Variants in TLE5 observed in about 807,000 individuals in gnomAD.
TLE5 encodes TLE family member 5, transcriptional modulator, also known as TLE family member 5.
Under a neutral mutation model 25.8 loss-of-function variants are expected in TLE5, and 7 were observed. The ratio of observed to expected loss-of-function variants is 0.27; its 90% CI spans 0.15 to 0.51. TLE5 has a LOEUF of 0.51. Among genes scored for constraint, TLE5 ranks in the 20% least tolerant of loss-of-function variants. The probability of loss-of-function intolerance (pLI) is 0.97; values close to 1 mark genes in which losing one functional copy is unlikely to be tolerated. For synonymous variants in TLE5, 132 were observed against 110.5 expected (o/e 1.20, Z -1.22); for missense variants, 149 against 250.7 (o/e 0.59, Z 2.74).
Position 3,061,180 on chromosome 19 carries a change from T to C in TLE5, c.105A>G (p.Leu35=). 1.2e-6 allele frequency: 2 copies of C among 1,613,542 alleles called. No individual in the cohort carries two copies. Among genetic ancestry groups the C allele is most frequent in the Non-Finnish European group, 1.7e-6 (2 of 1,179,570 alleles). The change falls in exon 2 of 7, where the codon CTA becomes CTG. Residue 35 remains leucine (L), a synonymous_variant. Coordinates refer to ENST00000327141, the MANE Select transcript of TLE5 (RefSeq NM_001130.6). The stretch of plus-strand genomic sequence containing the variant: ...CTCACCTGTGGTACTGAGCTTGCAG[T>C]AGCTGAAATTCGTCTTTGATGCGGT... ...SCDRIKDEFQ[L]LQAQYHSLKL...
At position 3,061,183 on chromosome 19, in the gene TLE5, C is replaced by G. The variant is rs147797904; in HGVS notation, c.102G>C (p.Gln34His). The G allele has an allele frequency of 3.7e-6, 6 of 1,613,682 alleles. No individual in the cohort carries two copies. Among genetic ancestry groups the G allele is most frequent in the Non-Finnish European group, 5.1e-6 (6 of 1,179,686 alleles). Residue 34 changes from glutamine (Q) to histidine (H), a missense_variant, in exon 2 of 7, where the codon CAG becomes CAC. By Grantham distance (24) the Gln-to-His change is conservative. Transcript: ENST00000327141. ...ACCTGTGGTACTGAGCTTGCAGTAGCTGAAATTCGTCTTTGATGCGGTCGC... is the reference window on the plus strand; with the variant it reads ...ACCTGTGGTACTGAGCTTGCAGTAGGTGAAATTCGTCTTTGATGCGGTCGC... ...DSCDRIKDEF[Q>H]LLQAQYHSLK...
In TLE5 at chr19:3,053,328, T is replaced by G. The variant is rs415945; in HGVS notation, c.*491A>C. On this transcript the variant is annotated 3_prime_UTR_variant, in exon 7 of 7. Coordinates refer to ENST00000327141, the MANE Select transcript of TLE5 (RefSeq NM_001130.6). Reference sequence around the variant, plus strand: ...GTCTGGAACTAGCAGAGGTGGTGAGTGGGGCAGGTGGAGGTGGGAGCATAC... The same window carrying G: ...GTCTGGAACTAGCAGAGGTGGTGAGGGGGGCAGGTGGAGGTGGGAGCATAC... The G allele has an allele frequency of 0.061, 9,746 of 159,046 alleles. 355 individuals carry two copies. Among genetic ancestry groups the G allele is most frequent in the Non-Finnish European group, 0.067 (4,837 of 72,532 alleles). 9.9% of individuals were successfully genotyped at this position (159,046 alleles called of 1,614,324 possible).
chr19:3,055,505 C>T, intron 5 of TLE5, 159 bp downstream of exon 5: 1 of 521,112 alleles, frequency 1.9e-6, no homozygotes, highest in African/African-American at 2.0e-5. Context: ...GGGGATTCTT[C>T]TGCACAGGCC....
chr19:3,056,138 G>A, intron 4 of TLE5, 174 bp downstream of exon 4: 1 of 531,884 alleles, frequency 1.9e-6, no homozygotes. Flanking sequence ...CGGGGCGGGG[G>A]GGAGGAGAGC....
chr19:3,061,269 G>C lies in TLE5; in HGVS notation c.28-12C>G, dbSNP rs1568266574. The C allele has an allele frequency of 1.2e-6, 2 of 1,605,566 alleles. No homozygotes were observed. Among genetic ancestry groups the C allele is most frequent in the Admixed American group, 1.7e-5 (1 of 59,940 alleles). Reference sequence around the variant, plus strand: ...AGGTGCGAGGAGCCCTGTAGGGATGGGGCGGCCCGGGTCAGGCCCAGGCGT... The same window carrying C: ...AGGTGCGAGGAGCCCTGTAGGGATGCGGCGGCCCGGGTCAGGCCCAGGCGT... On this transcript the variant is annotated splice_polypyrimidine_tract_variant and intron_variant, in intron 1 of 6. Transcript: ENST00000327141.
upstream of TLE5, chr19:3,062,758 C>G: frequency 3.9e-6 from 6 of 1,547,260 alleles, no homozygotes; most frequent in African/African-American, 1.4e-5. Flanking sequence ...CCCGGCTGCC[C>G]GCGTCGAAGC....
Position 3,053,701 on chromosome 19 carries a change from T to C in TLE5, c.*118A>G. 1.6e-6 allele frequency: 2 copies of C among 1,217,702 alleles called. No homozygotes were observed. Among genetic ancestry groups the C allele is most frequent in the South Asian group, 1.5e-5 (1 of 67,478 alleles). 75.4% of individuals were successfully genotyped at this position (1,217,702 alleles called of 1,614,324 possible). A position where few individuals can be genotyped will look rare whatever the true frequency, so the allele number is the denominator to read the frequency against. On this transcript the variant is annotated 3_prime_UTR_variant, in exon 7 of 7. Transcript: ENST00000327141. ...GGCCCCCGCCGGCGGCCACCATAAATACTATGGGAGTTTAGCCAATCCCGA... is the reference window on the plus strand; with the variant it reads ...GGCCCCCGCCGGCGGCCACCATAAACACTATGGGAGTTTAGCCAATCCCGA...
chr19:3,053,784 GTCCCCCCTCCC>G lies in TLE5; in HGVS notation c.*24_*34del, dbSNP rs1224205965. 1 of 1,594,868 alleles carries G rather than the reference GTCCCCCCTCCC, an allele frequency of 6.3e-7. No homozygotes were observed. The highest frequency in any genetic ancestry group is 8.6e-7 in the Non-Finnish European group (1 of 1,166,414). On this transcript the variant is annotated 3_prime_UTR_variant, in exon 7 of 7. Coordinates refer to ENST00000327141, the MANE Select transcript of TLE5 (RefSeq NM_001130.6). ...CTCTCCGTGCCTCTGTCTCCCCTCTGTCCCCCCTCCCAACCTCCCTGTCCCGGCCCCCTGCT... is the reference window on the plus strand; with the variant it reads ...CTCTCCGTGCCTCTGTCTCCCCTCTGAACCTCCCTGTCCCGGCCCCCTGCT...
At chr19:3,055,361 G>GAAA (rs1037125511) in intron 5 of TLE5, 11 of 249,850 alleles carry the variant, frequency 4.4e-5, no homozygotes, top group Admixed American at 4.4e-4. Context: ...AGAGAGATGA[G>GAAA]AAAAAAACAT....
intron 3 of TLE5, 32 bp from the exon 4 acceptor site, chr19:3,056,388 A>G: frequency 3.9e-6 from 1 of 256,190 alleles, no homozygotes; most frequent in South Asian, 2.7e-5. Flanking sequence ...GGAGCGGGAG[A>G]TGGGGGTGGG....
intron 2 of TLE5, among the ~76,000 whole-genome samples, chr19:3,059,774 T>C (rs1376770763): frequency 2.0e-5 from 3 of 152,094 alleles, no homozygotes; most frequent in African/African-American, 7.2e-5. Flanking sequence ...ATCCCTTCCC[T>C]GTGGAATCAG....
chr19:3,054,086 T>TCGGGGGGGGGCCGCCCC, intron 6 of TLE5, 34 bp downstream of exon 6: 1 of 1,512,818 alleles, frequency 6.6e-7, no homozygotes, highest in Non-Finnish European at 8.9e-7. Flanking sequence ...GGCCCACCTG[T>TCGGGGGGGGGCCGCCCC]CCCCCGCCCA....
chr19:3,055,888 A>G, intron 4 of TLE5, 162 bp from the exon 5 acceptor site: 2 of 668,036 alleles, frequency 3.0e-6, no homozygotes, highest in Admixed American at 3.2e-5. Context: ...TTCGGGCCCG[A>G]GGGCAGCCAG....
In TLE5 at chr19:3,053,927, G is replaced by T; in HGVS notation, c.486C>A (p.Gly162=). Residue 162 remains glycine, a synonymous_variant, in exon 7 of 7, where the codon GGC becomes GGA. Coordinates refer to ENST00000327141, the MANE Select transcript of TLE5 (RefSeq NM_001130.6). ...AACCCAGCGCGGACAGCGAGAGGAG[G>T]CCGGTGCCTGCGCTGACCGCCGGCA... is the stretch of plus-strand genomic sequence containing the variant. ...PSLPAVSAGT[G]LLSLSALGSQ... The T allele has an allele frequency of 6.2e-7, 1 of 1,612,792 alleles. No homozygotes were observed. Among genetic ancestry groups the T allele is most frequent in the Non-Finnish European group, 8.5e-7 (1 of 1,179,952 alleles).
chr19:3,057,390 G>A (rs767566111), intron 3 of TLE5: 9 of 439,108 alleles, frequency 2.0e-5, no homozygotes, highest in African/African-American at 1.0e-4. Flanking sequence ...TTTCACAGCC[G>A]GTGAGCCTCC....
Position 3,053,633 on chromosome 19 carries a change from T to C in TLE5, c.*186A>G, listed in dbSNP as rs1378738118. On this transcript the variant is annotated 3_prime_UTR_variant, in exon 7 of 7. Coordinates refer to ENST00000327141, the MANE Select transcript of TLE5 (RefSeq NM_001130.6). ...AGGGGAGGAGGAGGGAAGCCGGGAA[T>C]GGGGTAGGAAGAAAGCTAGAGGTGG... 2 of 635,694 alleles carry C rather than the reference T, an allele frequency of 3.1e-6. No individual in the cohort carries two copies. Among genetic ancestry groups the C allele is most frequent in the Non-Finnish European group, 5.4e-6 (2 of 370,890 alleles). 39.4% of individuals were successfully genotyped at this position (635,694 alleles called of 1,614,324 possible).
At chr19:3,060,534 G>A (rs990000027) in intron 2 of TLE5, among the ~76,000 whole-genome samples, 3 of 151,852 alleles carry the variant, frequency 2.0e-5, no homozygotes, top group African/African-American at 4.8e-5. Context: ...GTTTCACCAT[G>A]TTGGCCAGGC....
At chr19:3,061,850 C>T (rs917218428) in intron 1 of TLE5, among the ~76,000 whole-genome samples, 1 of 141,814 alleles carries the variant, frequency 7.1e-6, no homozygotes, top group Non-Finnish European at 1.5e-5. Context: ...AGGCCCGAGG[C>T]CAAGGCCGTC....
At position 3,053,729 on chromosome 19, in the gene TLE5, T is replaced by C. The variant is rs1568262216; in HGVS notation, c.*90A>G. ...TATGGGAGTTTAGCCAATCCCGAGC[T>C]CCGCTGTGTCTTGTGCTAAACATTC... On this transcript the variant is annotated 3_prime_UTR_variant, in exon 7 of 7. Coordinates refer to ENST00000327141, the MANE Select transcript of TLE5 (RefSeq NM_001130.6). The C allele has an allele frequency of 2.8e-6, 4 of 1,413,988 alleles. No homozygotes were observed. In the East Asian group the frequency reaches 7.1e-5, roughly 25 times the overall value. 87.6% of individuals were successfully genotyped at this position (1,413,988 alleles called of 1,614,324 possible).
Sources: gnomAD v4.1 joint callset for allele counts (sites outside exome capture counted in the v4.1 genomes callset) on GRCh38, gnomAD v4.1.1 for gene constraint, MANE v1.5 for transcripts, NCBI Gene and HGNC (gene_info 2026-07-23, HGNC 2026-07-21) for gene names.